The following SEZ6L variants were observed in gnomAD, a reference collection of about 807,000 sequenced individuals.
SEZ6L encodes seizure related 6 homolog like.
SEZ6L carries 37 observed loss-of-function variants against 106.2 expected under a neutral mutation model. The observed-to-expected ratio is 0.35, with a 90% CI of 0.27 to 0.46. SEZ6L has a LOEUF of 0.46. Among genes scored for constraint, SEZ6L ranks in the 20% least tolerant of loss-of-function variants. The pLI, the probability that SEZ6L is intolerant of heterozygous loss-of-function variation, is 1.00. For missense variants in SEZ6L, 1,172 were observed against 1,332.8 expected, an observed-to-expected ratio of 0.88 and a Z score of 1.88; for synonymous variants, 541 against 570.4, an observed-to-expected ratio of 0.95 and a Z score of 0.73.
chr22:26,236,630 C>T (rs1392588700), intron 1 of SEZ6L, among the ~76,000 whole-genome samples: 3 of 152,168 alleles, frequency 2.0e-5, no homozygotes, highest in African/African-American at 7.2e-5. Flanking sequence ...GTCCCCCTGA[C>T]TCTAATAGTC....
chr22:26,339,820 T>C (rs2082767127), intron 9 of SEZ6L, among the ~76,000 whole-genome samples: 1 of 152,220 alleles, frequency 6.6e-6, no homozygotes, highest in South Asian at 2.1e-4. Flanking sequence ...AACACAGAGA[T>C]GTCACCTAAG....
chr22:26,364,076 A>T (rs571951293), intron 12 of SEZ6L, among the ~76,000 whole-genome samples: 1 of 152,238 alleles, frequency 6.6e-6, no homozygotes, highest in Non-Finnish European at 1.5e-5. Flanking sequence ...AAGTTGCCCA[A>T]CAATGTAAAA....
At chr22:26,327,003 G>T (rs977561332) in intron 9 of SEZ6L, among the ~76,000 whole-genome samples, 1 of 152,152 alleles carries the variant, frequency 6.6e-6, no homozygotes, top group Non-Finnish European at 1.5e-5. Context: ...GGGTGTTCTG[G>T]CCGCTCGGAT....
rs199597034 is a variant in SEZ6L at position 26,293,021 on chromosome 22, C to T, written c.710C>T (p.Thr237Ile). 4.1e-5 allele frequency: 66 copies of T among 1,614,064 alleles called. No homozygotes were observed. The highest frequency in any genetic ancestry group is 5.3e-5 in the Non-Finnish European group (63 of 1,180,028). ...DMAQEAPQED[T>I]SPMALMDKGE... Reference sequence around the variant, plus strand: ...GCCCAGGAGGCCCCCCAGGAGGACACCAGCCCCATGGCCCTGATGGACAAA... The same window carrying T: ...GCCCAGGAGGCCCCCCAGGAGGACATCAGCCCCATGGCCCTGATGGACAAA... Residue 237 changes from threonine (T) to isoleucine (I), a missense_variant, in exon 2 of 17, where the codon ACC (threonine) becomes ATC (isoleucine). Around this residue, in one of 4 missense-constraint regions of SEZ6L, gnomAD observed 494 missense variants for 445.8 expected, o/e 1.11. Coordinates refer to ENST00000248933, the MANE Select transcript of SEZ6L (RefSeq NM_021115.5).
In SEZ6L at chr22:26,359,464, G is replaced by A. The variant is rs1041961952; in HGVS notation, c.2600-5908G>A. Among the ~76,000 whole-genome samples, 17 of 152,120 alleles carry A rather than the reference G, an allele frequency of 1.1e-4. No individual in the cohort carries two copies. The East Asian group carries it at 1.5e-3, about 14-fold the overall frequency. On this transcript the variant is annotated intron_variant, in intron 12 of 16. Transcript: ENST00000248933. Reference sequence around the variant, plus strand: ...CTAACTAGCTTGTGACCTTTAACACGTTACCCAACCGTTCTGCGCTGCATT... The same window carrying A: ...CTAACTAGCTTGTGACCTTTAACACATTACCCAACCGTTCTGCGCTGCATT...
At chr22:26,317,300 G>A (rs764605653) in intron 9 of SEZ6L, among the ~76,000 whole-genome samples, 8 of 151,988 alleles carry the variant, frequency 5.3e-5, no homozygotes, top group Non-Finnish European at 1.0e-4. Flanking sequence ...GAAGTTACCA[G>A]GAAAACTACC....
Position 26,237,337 on chromosome 22 carries a change from A to G in SEZ6L, c.95-55069A>G, listed in dbSNP as rs12160967. The stretch of plus-strand genomic sequence containing the variant: ...GGGACCAGGTCTTTTGCCTATTCTC[A>G]GGTTCTGGTGCAACGTCTCACAAAT... On this transcript the variant is annotated intron_variant, in intron 1 of 16. Transcript: ENST00000248933. Among the ~76,000 whole-genome samples the G allele has an allele frequency of 2.6e-3, 395 of 152,294 alleles. 1 individual carries two copies. The highest frequency in any genetic ancestry group is 9.2e-3 in the African/African-American group (384 of 41,552).
intron 10 of SEZ6L, among the ~76,000 whole-genome samples, chr22:26,344,383 C>T (rs1484670484): frequency 1.3e-5 from 2 of 152,164 alleles, no homozygotes; most frequent in African/African-American, 2.4e-5. Context: ...TTTGAGAAGA[C>T]GTTGGTTATT....
chr22:26,292,124 G>A, intron 1 of SEZ6L: 1 of 367,454 alleles, frequency 2.7e-6, no homozygotes. Flanking sequence ...AAGGAAGGAG[G>A]GAGGGAGGAA....
At chr22:26,238,307 A>G (rs959693659) in intron 1 of SEZ6L, among the ~76,000 whole-genome samples, 1 of 152,238 alleles carries the variant, frequency 6.6e-6, no homozygotes, top group Non-Finnish European at 1.5e-5. Flanking sequence ...CTACGGGGCA[A>G]AGCACTCAGG....
At chr22:26,221,398 T>C (rs1332015757) in intron 1 of SEZ6L, among the ~76,000 whole-genome samples, 1 of 152,150 alleles carries the variant, frequency 6.6e-6, no homozygotes, top group Non-Finnish European at 1.5e-5. Context: ...CACAGGCCTA[T>C]AGGAGGAAAA....
At chr22:26,196,090 T>C (rs1357213710) in intron 1 of SEZ6L, among the ~76,000 whole-genome samples, 5 of 152,172 alleles carry the variant, frequency 3.3e-5, no homozygotes, top group African/African-American at 1.2e-4. Flanking sequence ...GATTTGATCA[T>C]GGGGGTGGTC....
At chr22:26,207,296 A>G (rs1446720457) in intron 1 of SEZ6L, among the ~76,000 whole-genome samples, 2 of 152,182 alleles carry the variant, frequency 1.3e-5, no homozygotes, top group Non-Finnish European at 2.9e-5. Context: ...GATGCTGTAA[A>G]ATGATTGTAA....
At chr22:26,254,040 A>C (rs901647834) in intron 1 of SEZ6L, 4 of 152,226 alleles carry the variant, frequency 2.6e-5, no homozygotes, top group African/African-American at 4.8e-5. Context: ...AAGTGAATGC[A>C]CCTGCAACTA....
chr22:26,291,897 G>A (rs2081120572), intron 1 of SEZ6L, among the ~76,000 whole-genome samples: 1 of 152,116 alleles, frequency 6.6e-6, no homozygotes, highest in Non-Finnish European at 1.5e-5. Flanking sequence ...CAACCAGGCA[G>A]TGAGGCCCCT....
chr22:26,286,040 A>G (rs2080924641), intron 1 of SEZ6L, among the ~76,000 whole-genome samples: 1 of 152,204 alleles, frequency 6.6e-6, no homozygotes, highest in Non-Finnish European at 1.5e-5. Context: ...GAGTCTTTAT[A>G]GTGGAGTCTG....
chr22:26,329,792 G>A (rs1229444710), intron 9 of SEZ6L, among the ~76,000 whole-genome samples: 1 of 152,224 alleles, frequency 6.6e-6, no homozygotes, highest in African/African-American at 2.4e-5. Context: ...ACCTGACTGT[G>A]TGGGTGAGGG....
chr22:26,334,457 G>A (rs2082584939), intron 9 of SEZ6L, among the ~76,000 whole-genome samples: 1 of 152,238 alleles, frequency 6.6e-6, no homozygotes, highest in African/African-American at 2.4e-5. Context: ...GTGGGCCAGT[G>A]CTGCATTCCT....
At chr22:26,244,196 A>G (rs1039274143) in intron 1 of SEZ6L, 4 of 151,888 alleles carry the variant, frequency 2.6e-5, no homozygotes, top group African/African-American at 9.7e-5. Context: ...AAGAGTAGAA[A>G]AATGAGCAGG....
Sources: allele counts gnomAD v4.1 joint callset (sites outside exome capture counted in the v4.1 genomes callset), GRCh38; gene constraint gnomAD v4.1.1; regional missense constraint gnomAD v4.1.1; transcripts MANE v1.5; gene names NCBI Gene and HGNC (gene_info 2026-07-23, HGNC 2026-07-21).